MCC: variants seen among roughly 807,000 people sequenced by gnomAD.
MCC encodes colorectal mutant cancer protein.
MCC carries 90 observed loss-of-function variants against 116.2 expected under a neutral mutation model. The observed-to-expected ratio is 0.77, with a 90% CI of 0.65 to 0.92. The LOEUF (loss-of-function observed/expected upper bound fraction) is 0.92, where lower values mean the gene tolerates loss of function less well. Among genes scored for constraint, MCC ranks in the 40% least tolerant of loss-of-function variants. The pLI, the probability that MCC is intolerant of heterozygous loss-of-function variation, is 0.00. For missense variants in MCC, 1,516 were observed against 1,312.2 expected (o/e 1.16, Z -2.40); for synonymous variants, 578 against 510.5 (o/e 1.13, Z -1.78).
At chr5:113,120,712 T>C (rs954656745) in intron 6 of MCC, among the ~76,000 whole-genome samples, 2 of 152,246 alleles carry the variant, frequency 1.3e-5, no homozygotes, top group African/African-American at 4.8e-5. Flanking sequence ...AAATAAATAC[T>C]ATTACATAAT....
chr5:113,227,998 G>A (rs900007594), intron 3 of MCC, among the ~76,000 whole-genome samples: 6 of 152,202 alleles, frequency 3.9e-5, no homozygotes, highest in Non-Finnish European at 8.8e-5. Context: ...AGCAACAGAT[G>A]ATGCTACTGT....
intron 2 of MCC, among the ~76,000 whole-genome samples, chr5:113,369,677 C>T (rs889758802): frequency 1.3e-5 from 2 of 152,160 alleles, no homozygotes; most frequent in African/African-American, 4.8e-5. Context: ...GCTCTGAGAT[C>T]TCAGCTCACC....
intron 3 of MCC, among the ~76,000 whole-genome samples, chr5:113,171,518 C>A (rs1199220114): frequency 6.6e-6 from 1 of 151,834 alleles, no homozygotes; most frequent in Non-Finnish European, 1.5e-5. Flanking sequence ...TTACACCTGG[C>A]TCATTTTTGT....
At chr5:113,345,468 T>C (rs10037038) in intron 2 of MCC, among the ~76,000 whole-genome samples, 2,795 of 152,318 alleles carry the variant, frequency 0.018, 36 homozygotes, top group Non-Finnish European at 0.023. Flanking sequence ...GATCCAGTGC[T>C]GTGCAGACTT....
rs117126964 is a variant in MCC at position 113,037,493 on chromosome 5, G to T, written c.2756+6037C>A. Among the ~76,000 whole-genome samples, 221 of 152,298 alleles carry T rather than the reference G, an allele frequency of 1.5e-3. 8 individuals are homozygous for T. In the East Asian group the frequency reaches 0.035, roughly 24 times the overall value. On this transcript the variant is annotated intron_variant, in intron 17 of 18. Transcript: ENST00000408903. ...GGATCAGTTGAGCCTAGGAATTTGA[G>T]ATCAGCCTGGGCAACATGGTGAAAT...
At chr5:113,312,244 T>A (rs1294687993) in intron 3 of MCC, among the ~76,000 whole-genome samples, 1 of 151,906 alleles carries the variant, frequency 6.6e-6, no homozygotes, top group Non-Finnish European at 1.5e-5. Context: ...ACCACTGCAC[T>A]CTAGTCTGGG....
chr5:113,029,400 A>C (rs1441347356), intron 17 of MCC, among the ~76,000 whole-genome samples: 1 of 150,068 alleles, frequency 6.7e-6, no homozygotes, highest in Non-Finnish European at 1.5e-5. Context: ...CCTGACCACA[A>C]ACCCCCGTCT....
At chr5:113,174,565 G>A (rs913087260) in intron 3 of MCC, among the ~76,000 whole-genome samples, 3 of 151,202 alleles carry the variant, frequency 2.0e-5, no homozygotes, top group African/African-American at 4.9e-5. Flanking sequence ...GAAGACCTTG[G>A]AGAAAAAACC....
chr5:113,254,948 T>A (rs1034562718), intron 3 of MCC, among the ~76,000 whole-genome samples: 1 of 152,142 alleles, frequency 6.6e-6, no homozygotes, highest in African/African-American at 2.4e-5. Context: ...GTGGATCACC[T>A]GAGGTCAGGA....
intron 3 of MCC, among the ~76,000 whole-genome samples, chr5:113,313,615 G>T (rs1007151233): frequency 6.6e-6 from 1 of 152,190 alleles, no homozygotes; most frequent in African/African-American, 2.4e-5. Context: ...TCACAGATCA[G>T]TATTGGCCTT....
intron 1 of MCC, among the ~76,000 whole-genome samples, chr5:113,473,211 T>G (rs1772140803): frequency 6.6e-6 from 1 of 152,160 alleles, no homozygotes; most frequent in Non-Finnish European, 1.5e-5. Flanking sequence ...TTTCTAACTT[T>G]TATGTACCTT....
At chr5:113,089,061 T>G (rs1441646305) in intron 8 of MCC, among the ~76,000 whole-genome samples, 2 of 152,206 alleles carry the variant, frequency 1.3e-5, no homozygotes, top group Non-Finnish European at 2.9e-5. Context: ...GGGAACATCA[T>G]TCAGCACCCT....
intron 1 of MCC, among the ~76,000 whole-genome samples, chr5:113,467,108 C>T (rs988946462): frequency 3.3e-5 from 5 of 150,580 alleles, no homozygotes; most frequent in Non-Finnish European, 7.4e-5. Flanking sequence ...GAGTAGGTTG[C>T]AAAAATTTTC....
chr5:113,248,405 T>A (rs1488395762), intron 3 of MCC, among the ~76,000 whole-genome samples: 1 of 152,178 alleles, frequency 6.6e-6, no homozygotes, highest in Admixed American at 6.5e-5. Flanking sequence ...TGCTCAGTTT[T>A]ATGTTACTGT....
At chr5:113,333,793 ATATATATG>A (rs201234572) in intron 3 of MCC, among the ~76,000 whole-genome samples, 247 of 54,672 alleles carry the variant, frequency 4.5e-3, no homozygotes, top group African/African-American at 0.013. Context: ...ATATATTTAT[ATATATATG>A]TATATATGTA....
intron 1 of MCC, among the ~76,000 whole-genome samples, chr5:113,388,663 A>G (rs144407921): frequency 1.4e-3 from 208 of 152,302 alleles, no homozygotes; most frequent in African/African-American, 4.7e-3. Flanking sequence ...TGAGGCCTTC[A>G]CCAGAAGCAG....
intron 1 of MCC, among the ~76,000 whole-genome samples, chr5:113,466,781 C>A (rs1403670562): frequency 6.6e-6 from 1 of 152,060 alleles, no homozygotes; most frequent in African/African-American, 2.4e-5. Flanking sequence ...AATGGTTGAA[C>A]GAGTTTACAG....
At chr5:113,442,922 T>C (rs1371268953) in intron 1 of MCC, among the ~76,000 whole-genome samples, 1 of 152,198 alleles carries the variant, frequency 6.6e-6, no homozygotes, top group Non-Finnish European at 1.5e-5. Flanking sequence ...TAGTTTGAAG[T>C]CAGGTAGCGT....
intron 3 of MCC, among the ~76,000 whole-genome samples, chr5:113,175,804 T>G (rs1405922506): frequency 6.6e-6 from 1 of 152,112 alleles, no homozygotes; most frequent in Non-Finnish European, 1.5e-5. Flanking sequence ...CTAGAGTACT[T>G]TTCATGAATA....
Sources: gnomAD v4.1 joint callset for allele counts (sites outside exome capture counted in the v4.1 genomes callset) on GRCh38, gnomAD v4.1.1 for gene constraint, MANE v1.5 for transcripts, NCBI Gene and HGNC (gene_info 2026-07-23, HGNC 2026-07-21) for gene names.